SKAP2: variants seen among roughly 807,000 people sequenced by gnomAD.
SKAP2 encodes src kinase associated phosphoprotein 2.
SKAP2 carries 28 observed loss-of-function variants against 54.9 expected under a neutral mutation model. The ratio of observed to expected loss-of-function variants is 0.51; its 90% CI spans 0.38 to 0.70. The LOEUF (loss-of-function observed/expected upper bound fraction) is 0.70, where lower values mean the gene tolerates loss of function less well. Among genes scored for constraint, SKAP2 ranks in the 30% least tolerant of loss-of-function variants. SKAP2 has a pLI of 0.00. For missense variants in SKAP2, 356 were observed against 424.1 expected (o/e 0.84, Z 1.41); for synonymous variants, 137 against 134.3 (o/e 1.02, Z -0.14).
intron 4 of SKAP2, among the ~76,000 whole-genome samples, chr7:26,794,412 T>G (rs563594894): frequency 6.6e-6 from 1 of 152,356 alleles, no homozygotes; most frequent in African/African-American, 2.4e-5. Context: ...TCCAAAGATT[T>G]CTTCCTTGTC....
At chr7:26,753,658 T>A (rs1175669842) in intron 4 of SKAP2, among the ~76,000 whole-genome samples, 1 of 152,164 alleles carries the variant, frequency 6.6e-6, no homozygotes, top group Non-Finnish European at 1.5e-5. Flanking sequence ...GAGGCTGTCA[T>A]AATAAAAAGC....
intron 4 of SKAP2, among the ~76,000 whole-genome samples, chr7:26,841,471 C>T (rs1324481301): frequency 6.6e-6 from 1 of 151,998 alleles, no homozygotes; most frequent in Non-Finnish European, 1.5e-5. Flanking sequence ...CATTATTCTC[C>T]TTGGCTATGA....
intron 4 of SKAP2, among the ~76,000 whole-genome samples, chr7:26,797,267 T>G (rs527411509): frequency 1.3e-5 from 2 of 152,348 alleles, no homozygotes; most frequent in East Asian, 3.9e-4. Context: ...AGTGCTGTGC[T>G]GGCTTCAGGT....
intron 4 of SKAP2, among the ~76,000 whole-genome samples, chr7:26,783,872 G>A (rs759623926): frequency 4.0e-5 from 6 of 151,754 alleles, no homozygotes; most frequent in Non-Finnish European, 8.8e-5. Context: ...CAGCACACCA[G>A]CATGGCACAT....
At chr7:26,709,399 A>C (rs1462273538) in intron 9 of SKAP2, among the ~76,000 whole-genome samples, 1 of 152,162 alleles carries the variant, frequency 6.6e-6, no homozygotes, top group South Asian at 2.1e-4. Context: ...AAAGGGCTTA[A>C]AGTATGTCAG....
At chr7:26,851,255 CAA>C (rs35007326) in intron 3 of SKAP2, among the ~76,000 whole-genome samples, 26,425 of 99,124 alleles carry the variant, frequency 0.27, 2,613 homozygotes, top group Non-Finnish European at 0.3. Flanking sequence ...CCGTTTTTAC[CAA>C]AAAAAAAAAA....
intron 4 of SKAP2, among the ~76,000 whole-genome samples, chr7:26,769,489 G>C (rs1234032357): frequency 6.6e-6 from 1 of 152,144 alleles, no homozygotes; most frequent in Non-Finnish European, 1.5e-5. Context: ...ATCCAGTTTT[G>C]TTCCCTTGCT....
intron 4 of SKAP2, among the ~76,000 whole-genome samples, chr7:26,804,952 T>C (rs999845580): frequency 6.6e-6 from 1 of 152,218 alleles, no homozygotes; most frequent in Non-Finnish European, 1.5e-5. Flanking sequence ...AGATGTTTCC[T>C]ATAGTATGAA....
At chr7:26,769,903 G>C (rs966821343) in intron 4 of SKAP2, among the ~76,000 whole-genome samples, 1 of 152,180 alleles carries the variant, frequency 6.6e-6, no homozygotes, top group East Asian at 1.9e-4. Context: ...CTGCTGGGAG[G>C]TGTCTCCCAG....
intron 4 of SKAP2, among the ~76,000 whole-genome samples, chr7:26,840,368 C>T (rs535675009): frequency 6.6e-6 from 1 of 152,170 alleles, no homozygotes; most frequent in African/African-American, 2.4e-5. Flanking sequence ...ATCCTTTCAC[C>T]TTACCTTAGA....
intron 8 of SKAP2, 92 bp downstream of exon 8, chr7:26,725,831 G>A (rs374519291): frequency 1.9e-6 from 2 of 1,043,508 alleles, no homozygotes; most frequent in Non-Finnish European, 2.9e-6. Context: ...CATTCTCACA[G>A]AAGTCAATAA....
chr7:26,856,458 T>C (rs1262172441), intron 1 of SKAP2, among the ~76,000 whole-genome samples: 1 of 152,238 alleles, frequency 6.6e-6, no homozygotes, highest in Non-Finnish European at 1.5e-5. Flanking sequence ...CTTTGAGTTA[T>C]ATTTTGATGT....
downstream of SKAP2, among the ~76,000 whole-genome samples, chr7:26,665,793 C>T (rs1786096618): frequency 6.6e-6 from 1 of 152,056 alleles, no homozygotes; most frequent in Non-Finnish European, 1.5e-5. Context: ...AATAAACTGG[C>T]TAAAGCTGAG....
At chr7:26,864,269 G>A in intron 1 of SKAP2, 94 bp downstream of exon 1, 1 of 1,461,528 alleles carries the variant, frequency 6.8e-7, no homozygotes, top group Non-Finnish European at 9.5e-7. Flanking sequence ...GCGCGGGGAG[G>A]GAGGATAAGG....
intron 1 of SKAP2, chr7:26,857,638 C>T: frequency 1.0e-6 from 1 of 985,440 alleles, no homozygotes; most frequent in Non-Finnish European, 1.2e-6. Context: ...GAGAAACGCA[C>T]TTCAGCGTTA....
At chr7:26,838,981 C>T (rs569113132) in intron 4 of SKAP2, among the ~76,000 whole-genome samples, 4 of 152,076 alleles carry the variant, frequency 2.6e-5, no homozygotes, top group Admixed American at 6.6e-5. Flanking sequence ...TCTTCATGTA[C>T]TGTGTAAATA....
intron 9 of SKAP2, among the ~76,000 whole-genome samples, chr7:26,698,682 A>AT: frequency 1.3e-5 from 2 of 152,278 alleles, no homozygotes; most frequent in Middle Eastern, 3.4e-3. Flanking sequence ...TGAATTAGCC[A>AT]TTTTTTTATT....
chr7:26,838,620 C>T (rs1784759639), intron 4 of SKAP2, among the ~76,000 whole-genome samples: 1 of 152,152 alleles, frequency 6.6e-6, no homozygotes, highest in African/African-American at 2.4e-5. Flanking sequence ...TCAAGACCCA[C>T]ATAAAACTCA....
At chr7:26,726,807 C>G in intron 7 of SKAP2, 75 bp downstream of exon 7, 3 of 1,188,384 alleles carry the variant, frequency 2.5e-6, no homozygotes, top group Non-Finnish European at 3.5e-6. Flanking sequence ...AAGTATTAAT[C>G]AAATGTTAAT....
Sources: allele counts gnomAD v4.1 joint callset (sites outside exome capture counted in the v4.1 genomes callset), GRCh38; gene constraint gnomAD v4.1.1; transcripts MANE v1.5; gene names NCBI Gene and HGNC (gene_info 2026-07-23, HGNC 2026-07-21).